The following PCDHGA11 variants were observed in gnomAD, a reference collection of about 807,000 sequenced individuals.
The protein encoded by PCDHGA11 is protocadherin gamma subfamily A, 11, also known as protocadherin gamma-A11.
In PCDHGA11, 39 loss-of-function variants were observed where a neutral mutation model predicts 60.4. The observed-to-expected ratio is 0.65, with a 90% CI of 0.50 to 0.84. PCDHGA11 has a LOEUF of 0.84. Among genes scored for constraint, PCDHGA11 ranks in the 40% least tolerant of loss-of-function variants. The pLI is 0.00. For missense variants in PCDHGA11, 1,165 were observed against 1,197.7 expected, an observed-to-expected ratio of 0.97 and a Z score of 0.40; for synonymous variants, 533 against 510.3, an observed-to-expected ratio of 1.04 and a Z score of -0.60.
intron 1 of PCDHGA11, among the ~76,000 whole-genome samples, chr5:141,444,786 T>C (rs1252217349): frequency 6.6e-6 from 1 of 152,226 alleles, no homozygotes; most frequent in Non-Finnish European, 1.5e-5. Context: ...CATGTTTCAT[T>C]TGTCTATTCT....
chr5:141,470,444 A>G (rs970120314), intron 1 of PCDHGA11, among the ~76,000 whole-genome samples: 8 of 152,222 alleles, frequency 5.3e-5, no homozygotes, highest in African/African-American at 1.9e-4. Context: ...ATAATTTAAT[A>G]GCATCTTGAA....
At position 141,421,579 on chromosome 5, in the gene PCDHGA11, T is replaced by A. The variant is rs753573473; in HGVS notation, c.352T>A (p.Tyr118Asn). The A allele has an allele frequency of 6.2e-7, 1 of 1,613,934 alleles. No individual in the cohort carries two copies. The highest frequency in any genetic ancestry group is 8.5e-7 in the Non-Finnish European group (1 of 1,179,860). ...TCTCGTGGAAGACACCTTGAAGATT[T>A]ACGGAGTGGAGGTGGAAATAATAGA... ...ELLVEDTLKI[Y>N]GVEVEIIDIN... Residue 118 changes from tyrosine to asparagine, a missense_variant, in exon 1 of 4, where the codon TAC becomes AAC. By Grantham distance (143) the Tyr-to-Asn change is moderately radical (BLOSUM62 -2). Coordinates refer to ENST00000398587, the MANE Select transcript of PCDHGA11 (RefSeq NM_018914.3).
At chr5:141,437,589 T>C (rs929281293) in intron 1 of PCDHGA11, among the ~76,000 whole-genome samples, 10 of 152,306 alleles carry the variant, frequency 6.6e-5, no homozygotes, top group African/African-American at 2.2e-4. Flanking sequence ...ATGAATTGGA[T>C]AGTTCTGGTG....
intron 2 of PCDHGA11, among the ~76,000 whole-genome samples, chr5:141,500,508 C>T (rs2099801020): frequency 6.6e-6 from 1 of 152,078 alleles, no homozygotes; most frequent in African/African-American, 2.4e-5. Context: ...CGCGCCTGGC[C>T]GAGCTTCATT....
intron 1 of PCDHGA11, among the ~76,000 whole-genome samples, chr5:141,453,080 A>T (rs1323212808): frequency 6.6e-6 from 1 of 151,960 alleles, no homozygotes; most frequent in Non-Finnish European, 1.5e-5. Context: ...ACTCTGGTTG[A>T]TTAGTATATT....
chr5:141,483,869 G>A (rs2099587910), intron 1 of PCDHGA11, among the ~76,000 whole-genome samples: 1 of 152,126 alleles, frequency 6.6e-6, no homozygotes, highest in South Asian at 2.1e-4. Flanking sequence ...GTCCAGATCA[G>A]GATGGATTTT....
rs1421670958 is a variant in PCDHGA11, at chr5:141,432,558, A to C, written c.2433+8898A>C. ...GTGGCGGTGGACAGAGACTCCGGCC[A>C]GAACGCCTGGCTGTCCTACCGTCTG... On this transcript the variant is annotated intron_variant, in intron 1 of 3. Transcript: ENST00000398587. This position sits in a 1 kb window ranked among gnomAD's most constrained non-coding sequence, Gnocchi z 6.0. The C allele has an allele frequency of 1.9e-6, 3 of 1,613,756 alleles. No individual in the cohort carries two copies. The highest frequency in any genetic ancestry group is 2.2e-5 in the South Asian group (2 of 91,060).
At chr5:141,440,983 G>A (rs2154559140) in intron 1 of PCDHGA11, 1 of 152,314 alleles carries the variant, frequency 6.6e-6, no homozygotes, top group South Asian at 2.1e-4. Flanking sequence ...TCACAACCCA[G>A]AGTACCCATA....
intron 1 of PCDHGA11, among the ~76,000 whole-genome samples, chr5:141,494,529 G>C (rs952931724): frequency 1.3e-5 from 2 of 152,132 alleles, no homozygotes; most frequent in African/African-American, 4.8e-5. Flanking sequence ...TCTGACTCTG[G>C]GGGCAGGGAG....
chr5:141,493,808 C>T lies in PCDHGA11; in HGVS notation c.2434-999C>T, dbSNP rs2099750260. On this transcript the variant is annotated intron_variant, in intron 1 of 3. Transcript: ENST00000398587. The surrounding 1 kb of genome is among the most constrained non-coding windows in gnomAD (Gnocchi z 4.3). ...CTTCTCCCTGGAGTAATCTGAGATA[C>T]TCACACTCTCTGCTTCTGGGAGCAA... is the stretch of plus-strand genomic sequence containing the variant. 6.6e-6 allele frequency among the ~76,000 whole-genome samples: 1 copy of T among 152,200 alleles called. No individual in the cohort carries two copies. The highest frequency in any genetic ancestry group is 1.5e-5 in the Non-Finnish European group (1 of 68,042).
rs1207332302 is a variant in PCDHGA11 at position 141,422,400 on chromosome 5, G to A, written c.1173G>A (p.Leu391=). The change falls in exon 1 of 4, where the codon CTG becomes CTA. Residue 391 remains leucine (L), a synonymous_variant. Coordinates refer to ENST00000398587, the MANE Select transcript of PCDHGA11 (RefSeq NM_018914.3). ...GQVSCFIPNH[L]PFKLEKTYGN... is the part of the protein sequence containing the mutation. ...TCTCCTGTTTTATTCCTAACCACCTGCCTTTTAAATTAGAAAAGACTTATG... is the reference window on the plus strand; with the variant it reads ...TCTCCTGTTTTATTCCTAACCACCTACCTTTTAAATTAGAAAAGACTTATG... 3 of 1,598,664 alleles carry A rather than the reference G, an allele frequency of 1.9e-6. No homozygotes were observed. The highest frequency in any genetic ancestry group is 2.3e-5 in the South Asian group (2 of 87,758).
intron 1 of PCDHGA11, chr5:141,430,974 C>G: frequency 6.2e-7 from 1 of 1,613,072 alleles, no homozygotes; most frequent in East Asian, 2.2e-5. Flanking sequence ...AGAGGTAGGA[C>G]GCAGCTTTTC....
intron 1 of PCDHGA11, among the ~76,000 whole-genome samples, chr5:141,474,970 A>C (rs1309289477): frequency 6.6e-6 from 1 of 152,212 alleles, no homozygotes; most frequent in Admixed American, 6.5e-5. Context: ...TAATCATTAT[A>C]ATTTTGTTTG....
chr5:141,421,453 T>G lies in PCDHGA11; in HGVS notation c.226T>G (p.Phe76Val). The part of the protein sequence containing the change: ...RIVSRGKTQL[F>V]AVNPRSGSLI... Reference sequence around the variant, plus strand: ...CGTCTCCAGAGGGAAGACACAGCTTTTCGCTGTGAATCCGCGAAGCGGCAG... The same window carrying G: ...CGTCTCCAGAGGGAAGACACAGCTTGTCGCTGTGAATCCGCGAAGCGGCAG... Residue 76 changes from phenylalanine (F) to valine (V), a missense_variant, in exon 1 of 4, where the codon TTC becomes GTC. Transcript: ENST00000398587. 2 of 1,614,102 alleles carry G rather than the reference T, an allele frequency of 1.2e-6. No homozygotes were observed. The highest frequency in any genetic ancestry group is 1.6e-4 in the Middle Eastern group (1 of 6,062).
chr5:141,490,065 C>A lies in PCDHGA11; in HGVS notation c.2434-4742C>A, dbSNP rs1161257597. ...CTGATCCAGACGAGGGCACCAACGG[C>A]CAACTAGACTATTCTTTTGGAGACC... On this transcript the variant is annotated intron_variant, in intron 1 of 3. Coordinates refer to ENST00000398587, the MANE Select transcript of PCDHGA11 (RefSeq NM_018914.3). This position sits in a 1 kb window ranked among gnomAD's most constrained non-coding sequence, Gnocchi z 5.4. 1 of 1,614,258 alleles carries A rather than the reference C, an allele frequency of 6.2e-7. No individual in the cohort carries two copies. Among genetic ancestry groups the A allele is most frequent in the South Asian group, 1.1e-5 (1 of 91,090 alleles).
At position 141,448,827 on chromosome 5, in the gene PCDHGA11, C is replaced by T. The variant is rs540550537; in HGVS notation, c.2433+25167C>T. ...AGGCGTGATGGCGGGCGCCTGTAGT[C>T]CCAGCTACTCTGGAGGCTGAGGCAG... On this transcript the variant is annotated intron_variant, in intron 1 of 3. Transcript: ENST00000398587. Among the ~76,000 whole-genome samples the T allele has an allele frequency of 1.6e-4, 25 of 152,108 alleles. No homozygotes were observed. In the South Asian group the frequency reaches 4.2e-3, roughly 25 times the overall value.
chr5:141,509,024 C>T (rs2099873840), intron 3 of PCDHGA11, among the ~76,000 whole-genome samples: 1 of 152,108 alleles, frequency 6.6e-6, no homozygotes, highest in African/African-American at 2.4e-5. Flanking sequence ...GCTGCTCCCT[C>T]CCACTCAACC....
intron 3 of PCDHGA11, among the ~76,000 whole-genome samples, chr5:141,509,539 A>G (rs749824780): frequency 1.3e-5 from 2 of 152,160 alleles, no homozygotes; most frequent in East Asian, 1.9e-4. Context: ...ATGAAGCACC[A>G]TCTCATTTAG....
intron 1 of PCDHGA11, among the ~76,000 whole-genome samples, chr5:141,445,923 T>C (rs1169404585): frequency 6.6e-6 from 1 of 152,200 alleles, no homozygotes; most frequent in Non-Finnish European, 1.5e-5. Context: ...AGTGACAAGA[T>C]ATTTGAATTA....
Sources: gnomAD v4.1 joint callset for allele counts (sites outside exome capture counted in the v4.1 genomes callset) on GRCh38, gnomAD v4.1.1 for gene constraint, Gnocchi (gnomAD v3.1) non-coding constraint, MANE v1.5 for transcripts, NCBI Gene and HGNC (gene_info 2026-07-23, HGNC 2026-07-21) for gene names.